Variants in ANKS1B observed in about 807,000 individuals in gnomAD.
The protein encoded by ANKS1B is ankyrin repeat and sterile alpha motif domain containing 1B.
Under a neutral mutation model 148.3 loss-of-function variants are expected in ANKS1B, and 36 were observed. The observed-to-expected ratio is 0.24, with a 90% CI of 0.19 to 0.32. ANKS1B has a LOEUF of 0.32. ANKS1B is among the 10% of genes least tolerant of loss of function. The pLI is 1.00. For synonymous variants in ANKS1B, 542 were observed against 560.8 expected (o/e 0.97, Z 0.47); for missense variants, 1,157 against 1,542.6 (o/e 0.75, Z 4.19).
intron 12 of ANKS1B, among the ~76,000 whole-genome samples, chr12:99,326,522 T>C (rs926355047): frequency 1.3e-5 from 2 of 152,198 alleles, no homozygotes; most frequent in Non-Finnish European, 2.9e-5. Flanking sequence ...TTTTGAATCT[T>C]AAAAATTCTT....
intron 14 of ANKS1B, among the ~76,000 whole-genome samples, chr12:99,167,659 T>C (rs2153834539): frequency 6.6e-6 from 1 of 152,238 alleles, no homozygotes. Flanking sequence ...AAAAGCCAAA[T>C]ATACATCCAC....
chr12:98,851,283 G>A (rs2099523948), intron 17 of ANKS1B, among the ~76,000 whole-genome samples: 1 of 152,180 alleles, frequency 6.6e-6, no homozygotes, highest in South Asian at 2.1e-4. Context: ...TGCTCTTAGG[G>A]AGTAGGTTCA....
At chr12:99,388,306 T>C (rs919617845) in intron 12 of ANKS1B, among the ~76,000 whole-genome samples, 16 of 152,364 alleles carry the variant, frequency 1.1e-4, no homozygotes, top group African/African-American at 3.4e-4. Context: ...TTTAGCTTTA[T>C]AATTTAGTAC....
At chr12:99,571,352 G>T (rs1380060325) in intron 9 of ANKS1B, among the ~76,000 whole-genome samples, 1 of 151,438 alleles carries the variant, frequency 6.6e-6, no homozygotes, top group Non-Finnish European at 1.5e-5. Context: ...TATATCTACA[G>T]GTATAGATAG....
chr12:99,922,555 T>C (rs1346034665), intron 1 of ANKS1B, among the ~76,000 whole-genome samples: 1 of 152,152 alleles, frequency 6.6e-6, no homozygotes, highest in Non-Finnish European at 1.5e-5. Flanking sequence ...TAAGTGTCAA[T>C]TGTGTGACTG....
intron 12 of ANKS1B, among the ~76,000 whole-genome samples, chr12:99,319,858 C>T (rs1044246147): frequency 1.3e-5 from 2 of 152,166 alleles, no homozygotes; most frequent in Non-Finnish European, 2.9e-5. Flanking sequence ...TTTAGTGCTT[C>T]CTTCAGGAGC....
At chr12:99,859,077 T>G (rs549098217) in intron 1 of ANKS1B, among the ~76,000 whole-genome samples, 1 of 152,300 alleles carries the variant, frequency 6.6e-6, no homozygotes, top group African/African-American at 2.4e-5. Flanking sequence ...CTTAATAACA[T>G]GGAGACATTA....
intron 14 of ANKS1B, among the ~76,000 whole-genome samples, chr12:99,206,068 T>A (rs1043801484): frequency 7.9e-5 from 12 of 152,264 alleles, no homozygotes; most frequent in Non-Finnish European, 1.6e-4. Flanking sequence ...AAGACTACCA[T>A]GAAAGGATAA....
intron 11 of ANKS1B, among the ~76,000 whole-genome samples, chr12:99,418,118 A>G (rs1380482078): frequency 6.6e-6 from 1 of 152,186 alleles, no homozygotes; most frequent in Non-Finnish European, 1.5e-5. Context: ...ACTAATTAAT[A>G]ACATAAAACA....
chr12:98,923,029 T>C (rs1332835804), intron 17 of ANKS1B, among the ~76,000 whole-genome samples: 1 of 151,976 alleles, frequency 6.6e-6, no homozygotes, highest in East Asian at 1.9e-4. Flanking sequence ...CAATCCTCAG[T>C]GTGGCAGTGT....
At chr12:99,536,945 ACT>A (rs2097075546) in intron 9 of ANKS1B, among the ~76,000 whole-genome samples, 1 of 151,898 alleles carries the variant, frequency 6.6e-6, no homozygotes, top group Admixed American at 6.6e-5. Context: ...CCATCCTCCA[ACT>A]CTCTATCTCC....
At chr12:99,255,463 T>A (rs1343568084) in intron 12 of ANKS1B, among the ~76,000 whole-genome samples, 1 of 152,118 alleles carries the variant, frequency 6.6e-6, no homozygotes, top group East Asian at 1.9e-4. Context: ...ACATATTTGT[T>A]TTCTATTTCA....
At chr12:99,251,667 T>C (rs117208162) in intron 12 of ANKS1B, among the ~76,000 whole-genome samples, 5 of 152,320 alleles carry the variant, frequency 3.3e-5, no homozygotes, top group African/African-American at 4.8e-5. Context: ...TTTGCTATGA[T>C]TTTTATCACC....
intron 8 of ANKS1B, among the ~76,000 whole-genome samples, chr12:99,667,930 C>T (rs1216685464): frequency 6.6e-6 from 1 of 152,046 alleles, no homozygotes; most frequent in Non-Finnish European, 1.5e-5. Flanking sequence ...AAGTGTATGC[C>T]GGACTTGATT....
chr12:98,782,160 C>A, intron 22 of ANKS1B, 23 bp from the exon 23 acceptor site: 3 of 1,589,822 alleles, frequency 1.9e-6, no homozygotes, highest in Non-Finnish European at 2.6e-6. Flanking sequence ...CCAGTTAAGA[C>A]AGATGGGAAC....
intron 9 of ANKS1B, among the ~76,000 whole-genome samples, chr12:99,574,158 A>T (rs2153224167): frequency 6.6e-6 from 1 of 152,230 alleles, no homozygotes; most frequent in South Asian, 2.1e-4. Flanking sequence ...TTTCAGAGGT[A>T]CATAAAGAAT....
At chr12:98,882,891 G>C (rs1183629032) in intron 17 of ANKS1B, among the ~76,000 whole-genome samples, 1 of 152,112 alleles carries the variant, frequency 6.6e-6, no homozygotes, top group Non-Finnish European at 1.5e-5. Context: ...CCTTGGTTTT[G>C]AAATACCATG....
chr12:99,971,055 T>C (rs960654964), intron 1 of ANKS1B, among the ~76,000 whole-genome samples: 3 of 152,188 alleles, frequency 2.0e-5, no homozygotes, highest in African/African-American at 4.8e-5. Context: ...TTCTTAGTTA[T>C]CAGTTTTCTA....
chr12:99,057,865 G>A (rs957767522), intron 16 of ANKS1B, among the ~76,000 whole-genome samples: 1 of 152,186 alleles, frequency 6.6e-6, no homozygotes, highest in Non-Finnish European at 1.5e-5. Context: ...ATGAAGACTC[G>A]TGGAGCAAAC....
Sources: gnomAD v4.1 joint callset for allele counts (sites outside exome capture counted in the v4.1 genomes callset) on GRCh38, gnomAD v4.1.1 for gene constraint, MANE v1.5 for transcripts, NCBI Gene and HGNC (gene_info 2026-07-23, HGNC 2026-07-21) for gene names.